The following ZNF254 variants were observed in gnomAD, a reference collection of about 807,000 sequenced individuals.
The protein encoded by ZNF254 is zinc finger protein 254.
ZNF254 carries 10 observed loss-of-function variants against 12.4 expected under a neutral mutation model. The ratio of observed to expected loss-of-function variants is 0.80; its 90% CI spans 0.50 to 1.36. ZNF254 has a LOEUF of 1.36. Among genes scored for constraint, ZNF254 ranks in the 40% most tolerant of loss-of-function variants. The pLI is 0.00. For synonymous variants in ZNF254, 305 were observed against 253.4 expected (o/e 1.20, Z -1.93); for missense variants, 996 against 763.9 (o/e 1.30, Z -3.58).
upstream of ZNF254, among the ~76,000 whole-genome samples, chr19:24,082,460 C>CGT (rs1971877912): frequency 1.0e-5 from 1 of 97,640 alleles, no homozygotes; most frequent in Non-Finnish European, 2.0e-5. Flanking sequence ...TCCTGGCTAA[C>CGT]ACGGTGCAAC....
chr19:24,112,789 T>TA (rs1424707368), intron 3 of ZNF254, among the ~76,000 whole-genome samples: 3 of 151,838 alleles, frequency 2.0e-5, no homozygotes, highest in Non-Finnish European at 4.4e-5. Flanking sequence ...CTAGCAAGAC[T>TA]AATAAAGAAA....
intron 3 of ZNF254, among the ~76,000 whole-genome samples, chr19:24,116,959 C>G (rs1974120914): frequency 6.6e-6 from 1 of 152,176 alleles, no homozygotes; most frequent in African/African-American, 2.4e-5. Context: ...TAGATGTCCA[C>G]TCCAGACCCT....
At chr19:24,083,253 T>C (rs1310532693), upstream of ZNF254, among the ~76,000 whole-genome samples, 2 of 152,164 alleles carry the variant, frequency 1.3e-5, no homozygotes, top group African/African-American at 2.4e-5. Context: ...GGATTATCCC[T>C]AATGAAGGCC....
chr19:24,045,015 C>T lies in ZNF254; in HGVS notation c.-189-1169C>T, dbSNP rs181952126. Among the ~76,000 whole-genome samples, 7 of 152,224 alleles carry T rather than the reference C, an allele frequency of 4.6e-5. No homozygotes were observed. In the East Asian group the frequency reaches 1.2e-3, roughly 25 times the overall value. ...ATGTCTAATAACTATGATACCGTAC[C>T]TTGTTTTAACCTGATTGTCTCTCTT... On this transcript the variant is annotated intron_variant, in intron 1 of 4. Transcript: ENST00000613065.
chr19:24,059,701 T>C (rs1184270410), intron 2 of ZNF254, among the ~76,000 whole-genome samples: 1 of 152,178 alleles, frequency 6.6e-6, no homozygotes, highest in Non-Finnish European at 1.5e-5. Flanking sequence ...AGGGGTATGA[T>C]GATGTTTCTT....
At chr19:24,117,417 C>T (rs1017366018) in intron 3 of ZNF254, among the ~76,000 whole-genome samples, 13 of 152,140 alleles carry the variant, frequency 8.5e-5, no homozygotes, top group Non-Finnish European at 1.8e-4. Context: ...CCTCCCCCAG[C>T]CTCGCTGCTG....
chr19:24,113,908 G>A (rs1178903870), intron 3 of ZNF254, among the ~76,000 whole-genome samples: 1 of 152,136 alleles, frequency 6.6e-6, no homozygotes, highest in Non-Finnish European at 1.5e-5. Flanking sequence ...GCCAAATCAT[G>A]AGTGAACTCC....
intron 2 of ZNF254, among the ~76,000 whole-genome samples, chr19:24,063,496 CTA>C (rs1220622763): frequency 2.6e-5 from 4 of 152,198 alleles, no homozygotes; most frequent in Admixed American, 6.5e-5. Flanking sequence ...ATTGCTGGGC[CTA>C]TGTTATGTTT....
chr19:24,061,762 GTC>G lies in ZNF254; in HGVS notation c.-94+15488_-94+15489del, dbSNP rs562343271. On this transcript the variant is annotated intron_variant, in intron 2 of 4. Transcript: ENST00000613065. The stretch of plus-strand genomic sequence containing the variant: ...CCTACCAGCCAATAGAAGAGACACT[GTC>G]TCTCACAGGTAGGCTTAGAAAGAGG... Among the ~76,000 whole-genome samples, 176 of 152,292 alleles carry G rather than the reference GTC, an allele frequency of 1.2e-3. 1 individual carries two copies. Among genetic ancestry groups the G allele is most frequent in the African/African-American group, 4.1e-3 (171 of 41,560 alleles).
At chr19:24,048,039 C>T (rs1264537428) in intron 2 of ZNF254, among the ~76,000 whole-genome samples, 2 of 104,450 alleles carry the variant, frequency 1.9e-5, no homozygotes, top group South Asian at 3.2e-4. Context: ...GTTAGTCTCG[C>T]TCTGTCACCC....
intron 1 of ZNF254, among the ~76,000 whole-genome samples, chr19:24,089,820 CAAAT>C (rs1477663180): frequency 6.6e-6 from 1 of 151,696 alleles, no homozygotes; most frequent in African/African-American, 2.4e-5. Flanking sequence ...GAGGAGAAAA[CAAAT>C]AATTTCTGCC....
At chr19:24,082,392 A>T (rs1277167986), upstream of ZNF254, among the ~76,000 whole-genome samples, 1 of 141,500 alleles carries the variant, frequency 7.1e-6, no homozygotes, top group East Asian at 2.1e-4. Context: ...CATGCCTGTA[A>T]TCCCAGCACT....
intron 1 of ZNF254, among the ~76,000 whole-genome samples, chr19:24,101,231 C>T (rs936012737): frequency 6.6e-6 from 1 of 152,066 alleles, no homozygotes; most frequent in African/African-American, 2.4e-5. Flanking sequence ...ACTCTACTTG[C>T]TGTAACAGCC....
chr19:24,087,545 C>T (rs532071149), intron 1 of ZNF254, among the ~76,000 whole-genome samples: 1 of 152,266 alleles, frequency 6.6e-6, no homozygotes, highest in East Asian at 1.9e-4. Flanking sequence ...GTGACTGTGC[C>T]CTGTCCTGGA....
At chr19:24,075,152 T>C (rs769882426) in intron 2 of ZNF254, among the ~76,000 whole-genome samples, 21 of 152,242 alleles carry the variant, frequency 1.4e-4, no homozygotes, top group Non-Finnish European at 2.6e-4. Flanking sequence ...GACTGGAACC[T>C]GCCACAAAGG....
chr19:24,116,947 G>A (rs2145913954), intron 3 of ZNF254, among the ~76,000 whole-genome samples: 1 of 152,252 alleles, frequency 6.6e-6, no homozygotes, highest in East Asian at 1.9e-4. Flanking sequence ...GTTGGAGTTT[G>A]CTAGATGTCC....
Position 24,127,949 on chromosome 19 carries a change from T to C in ZNF254, c.1949T>C (p.Ile650Thr). ...TCCTCGCACCTCACCACAGATAAGA[T>C]AACTCATTGGAGAGAAATCTTACAA... ...NRSSHLTTDK[I>T]THWREILQV The change falls in exon 4 of 4, where the codon ATA (isoleucine) becomes ACA (threonine). Residue 650 changes from isoleucine to threonine, a missense_variant. Transcript: ENST00000357002. The C allele has an allele frequency of 1.3e-6, 2 of 1,575,426 alleles. No individual in the cohort carries two copies. The highest frequency in any genetic ancestry group is 1.7e-6 in the Non-Finnish European group (2 of 1,165,586).
chr19:24,084,599 GT>G (rs1971960300), upstream of ZNF254, among the ~76,000 whole-genome samples: 1 of 151,978 alleles, frequency 6.6e-6, no homozygotes, highest in Admixed American at 6.6e-5. Flanking sequence ...AACCCCGTAA[GT>G]TTAACTTTCT....
chr19:24,101,911 T>G (rs967825471), intron 1 of ZNF254, among the ~76,000 whole-genome samples: 21 of 152,220 alleles, frequency 1.4e-4, no homozygotes, highest in Non-Finnish European at 1.9e-4. Flanking sequence ...AAGAGCTGTC[T>G]TCGGTTGGTA....
Sources: allele counts gnomAD v4.1 joint callset (sites outside exome capture counted in the v4.1 genomes callset), GRCh38; gene constraint gnomAD v4.1.1; transcripts MANE v1.5; gene names NCBI Gene and HGNC (gene_info 2026-07-23, HGNC 2026-07-21).